Variants in DEPDC5 observed in about 807,000 individuals in gnomAD.
DEPDC5 encodes the protein DEP domain containing 5, GATOR1 subcomplex subunit.
DEPDC5 carries 73 observed loss-of-function variants against 217.3 expected under a neutral mutation model. The ratio of observed to expected loss-of-function variants is 0.34; its 90% CI spans 0.28 to 0.41. The LOEUF (loss-of-function observed/expected upper bound fraction) is 0.41, where lower values mean the gene tolerates loss of function less well. DEPDC5 is among the 10% of genes least tolerant of loss of function. The probability of loss-of-function intolerance (pLI) is 1.00; values close to 1 mark genes in which losing one functional copy is unlikely to be tolerated. For synonymous variants in DEPDC5, 733 were observed against 756.7 expected, an observed-to-expected ratio of 0.97 and a Z score of 0.51; for missense variants, 1,675 against 2,070.1, an observed-to-expected ratio of 0.81 and a Z score of 3.70.
rs945337529 is a variant in DEPDC5 at position 31,907,694 on chromosome 22, T to C, written c.*1197T>C. On this transcript the variant is annotated 3_prime_UTR_variant, in exon 43 of 43. Coordinates refer to ENST00000651528, the MANE Select transcript of DEPDC5 (RefSeq NM_001242896.3). ...GTGAGCCACCATGCCCGGCCTAACT[T>C]AGATTTGCTGAGATAAGACTCAGCT... 6.6e-6 allele frequency: 1 copy of C among 152,368 alleles called. No homozygotes were observed. The highest frequency in any genetic ancestry group is 2.4e-5 in the African/African-American group (1 of 41,422). The allele number at this position is 152,368 out of a possible 1,614,324, so 9.4% of individuals were successfully genotyped here.
At chr22:31,834,226 C>G (rs1355434003) in intron 25 of DEPDC5, 2 of 516,140 alleles carry the variant, frequency 3.9e-6, no homozygotes, top group Non-Finnish European at 3.6e-6. Flanking sequence ...TAGCAGATTC[C>G]CTATAAGGCC....
intron 31 of DEPDC5, among the ~76,000 whole-genome samples, chr22:31,855,939 G>A (rs925092055): frequency 2.6e-5 from 4 of 152,068 alleles, no homozygotes; most frequent in Non-Finnish European, 5.9e-5. Context: ...GATAAGAAAA[G>A]TGTTGCAAAT....
rs534670809 is a variant in DEPDC5 at position 31,889,511 on chromosome 22, C to A, written c.4034-4071C>A. ...CAGACTTTTCACTTGGGAAGAAACA[C>A]ACAGTGTCCAAGACCAGAGGGCAAA... is the stretch of plus-strand genomic sequence containing the variant. On this transcript the variant is annotated intron_variant, in intron 38 of 42. Coordinates refer to ENST00000651528, the MANE Select transcript of DEPDC5 (RefSeq NM_001242896.3). Among the ~76,000 whole-genome samples, 3 of 150,746 alleles carry A rather than the reference C, an allele frequency of 2.0e-5. No homozygotes were observed. The East Asian group carries it at 5.9e-4, about 29-fold the overall frequency.
At chr22:31,889,235 A>G (rs545570196) in intron 38 of DEPDC5, among the ~76,000 whole-genome samples, 10 of 152,228 alleles carry the variant, frequency 6.6e-5, no homozygotes, top group Non-Finnish European at 8.8e-5. Flanking sequence ...TAATGATTCT[A>G]TGAACTTACT....
intron 7 of DEPDC5, among the ~76,000 whole-genome samples, chr22:31,774,423 TC>T (rs368337243): frequency 0.011 from 1,646 of 151,886 alleles, 29 homozygotes; most frequent in African/African-American, 0.036. Flanking sequence ...GGTCTTGAAC[TC>T]CCGACCTCAG....
chr22:31,771,123 T>C (rs2083317722), intron 7 of DEPDC5, among the ~76,000 whole-genome samples: 1 of 152,164 alleles, frequency 6.6e-6, no homozygotes. Flanking sequence ...CCATTGAGGA[T>C]TGTTGTAAGA....
At chr22:31,845,304 A>G in intron 30 of DEPDC5, 67 bp downstream of exon 30, 1 of 1,540,106 alleles carries the variant, frequency 6.5e-7, no homozygotes, top group Admixed American at 2.0e-5. Flanking sequence ...CTCCTCTATT[A>G]GGGGCCTCTC....
intron 10 of DEPDC5, among the ~76,000 whole-genome samples, chr22:31,787,170 T>C (rs1569520532): frequency 6.6e-6 from 1 of 152,048 alleles, no homozygotes; most frequent in Non-Finnish European, 1.5e-5. Flanking sequence ...ACTACAGCTT[T>C]GACCTCCTGA....
chr22:31,860,488 T>A (rs1010674182), intron 32 of DEPDC5, among the ~76,000 whole-genome samples: 27 of 152,138 alleles, frequency 1.8e-4, no homozygotes, highest in African/African-American at 6.5e-4. Context: ...ACATAAAAAG[T>A]AAAAAGATTC....
intron 33 of DEPDC5, among the ~76,000 whole-genome samples, chr22:31,863,872 G>A (rs1378200586): frequency 2.6e-5 from 4 of 151,484 alleles, no homozygotes; most frequent in East Asian, 3.9e-4. Context: ...GCAGTGAGCC[G>A]AGATTGTGCC....
At chr22:31,837,321 A>G (rs1271064265) in intron 26 of DEPDC5, 166 bp downstream of exon 26, 1 of 700,026 alleles carries the variant, frequency 1.4e-6, no homozygotes, top group Non-Finnish European at 2.2e-6. Context: ...ATTTTAAAAA[A>G]ACATTGAATT....
chr22:31,881,843 G>A (rs1239326568), intron 38 of DEPDC5, among the ~76,000 whole-genome samples: 1 of 152,032 alleles, frequency 6.6e-6, no homozygotes, highest in Non-Finnish European at 1.5e-5. Context: ...CTACTCAGGA[G>A]GCTGAGGCAG....
intron 24 of DEPDC5, among the ~76,000 whole-genome samples, chr22:31,827,069 CG>C (rs1024560420): frequency 1.3e-5 from 2 of 151,888 alleles, no homozygotes; most frequent in African/African-American, 4.8e-5. Flanking sequence ...TAATTATATA[CG>C]TATGCTCTGA....
At chr22:31,770,816 A>T (rs1248930893) in intron 7 of DEPDC5, among the ~76,000 whole-genome samples, 1 of 132,920 alleles carries the variant, frequency 7.5e-6, no homozygotes, top group African/African-American at 2.8e-5. Context: ...TTTTGAGACA[A>T]AGTCTCACTC....
At chr22:31,766,223 T>C (rs2082807354) in intron 5 of DEPDC5, among the ~76,000 whole-genome samples, 1 of 152,178 alleles carries the variant, frequency 6.6e-6, no homozygotes, top group South Asian at 2.1e-4. Flanking sequence ...CAAGAAGTGA[T>C]GTTATAATAG....
intron 40 of DEPDC5, among the ~76,000 whole-genome samples, chr22:31,900,893 TAGTG>T: frequency 6.6e-6 from 1 of 151,888 alleles, no homozygotes; most frequent in Non-Finnish European, 1.5e-5. Flanking sequence ...TTGGACAACA[TAGTG>T]AGATGCCATC....
At chr22:31,901,519 G>A (rs558902983) in intron 40 of DEPDC5, among the ~76,000 whole-genome samples, 2 of 152,316 alleles carry the variant, frequency 1.3e-5, no homozygotes, top group South Asian at 4.1e-4. Flanking sequence ...CCTAGACCCA[G>A]CTATAGCTTG....
At chr22:31,780,833 A>G (rs2084356416) in intron 8 of DEPDC5, among the ~76,000 whole-genome samples, 1 of 152,142 alleles carries the variant, frequency 6.6e-6, no homozygotes, top group Non-Finnish European at 1.5e-5. Flanking sequence ...TAACCTTTAT[A>G]TGCCACTGTT....
chr22:31,877,615 T>C (rs1444376563), intron 37 of DEPDC5, among the ~76,000 whole-genome samples: 2 of 143,148 alleles, frequency 1.4e-5, no homozygotes, highest in Admixed American at 1.4e-4. Context: ...CTGGGCATGG[T>C]GGTGGCCGCC....
Sources: allele counts gnomAD v4.1 joint callset (sites outside exome capture counted in the v4.1 genomes callset), GRCh38; gene constraint gnomAD v4.1.1; transcripts MANE v1.5; gene names NCBI Gene and HGNC (gene_info 2026-07-23, HGNC 2026-07-21).